The following TSG101 variants were observed in gnomAD, a reference collection of about 807,000 sequenced individuals.
The protein encoded by TSG101 is tumor susceptibility 101, also known as tumor susceptibility gene 101 protein.
In TSG101, 19 loss-of-function variants were observed where a neutral mutation model predicts 48.5. The ratio of observed to expected loss-of-function variants is 0.39; its 90% CI spans 0.27 to 0.58. The LOEUF (loss-of-function observed/expected upper bound fraction) is 0.58, where lower values mean the gene tolerates loss of function less well. Ranked by LOEUF, TSG101 falls within the 20% of genes least tolerant of loss-of-function variation. TSG101 has a pLI of 0.55. For synonymous variants in TSG101, 174 were observed against 169.4 expected, an observed-to-expected ratio of 1.03 and a Z score of -0.21; for missense variants, 365 against 484.4, an observed-to-expected ratio of 0.75 and a Z score of 2.31.
intron 2 of TSG101, among the ~76,000 whole-genome samples, chr11:18,518,534 C>T (rs1440248474): frequency 1.3e-5 from 2 of 152,158 alleles, no homozygotes; most frequent in Admixed American, 6.6e-5. Context: ...AAACTCCAAG[C>T]GTTGTCTTGC....
chr11:18,484,127 G>A (rs1420981789), intron 7 of TSG101, 55 bp from the exon 8 acceptor site: 2 of 1,584,682 alleles, frequency 1.3e-6, no homozygotes, highest in African/African-American at 2.7e-5. Flanking sequence ...CCTTCTATTT[G>A]TCTCACAGGA....
At chr11:18,506,804 GATCT>G in intron 6 of TSG101, 49 bp downstream of exon 6, 1 of 1,399,570 alleles carries the variant, frequency 7.1e-7, no homozygotes, top group South Asian at 1.6e-5. Context: ...TTTGATTCTA[GATCT>G]AATAGAAGAA....
rs2133898860 is a variant in TSG101 at position 18,480,519 on chromosome 11, C to T, written c.*27G>A. On this transcript the variant is annotated 3_prime_UTR_variant, in exon 10 of 10. Transcript: ENST00000251968. Reference sequence around the variant, plus strand: ...GAAGAGAAGAATACTTTAAGAAGAGCTCAACCTCCAGCTGGTATCAGAGAA... The same window carrying T: ...GAAGAGAAGAATACTTTAAGAAGAGTTCAACCTCCAGCTGGTATCAGAGAA... 1.3e-6 allele frequency: 2 copies of T among 1,592,864 alleles called. No homozygotes were observed. Among genetic ancestry groups the T allele is most frequent in the Admixed American group, 1.7e-5 (1 of 59,240 alleles).
intron 3 of TSG101, among the ~76,000 whole-genome samples, chr11:18,515,511 T>G (rs962668984): frequency 6.6e-6 from 1 of 152,196 alleles, no homozygotes; most frequent in Non-Finnish European, 1.5e-5. Flanking sequence ...CAGAGATCAA[T>G]TATCTATCAT....
chr11:18,521,726 G>T (rs1429286541), intron 1 of TSG101, among the ~76,000 whole-genome samples: 2 of 138,486 alleles, frequency 1.4e-5, no homozygotes, highest in African/African-American at 5.5e-5. Flanking sequence ...ACCCAGGCTG[G>T]AGTGCGGTGG....
intron 1 of TSG101, among the ~76,000 whole-genome samples, chr11:18,520,711 A>T (rs774889307): frequency 3.3e-5 from 5 of 152,186 alleles, no homozygotes; most frequent in Non-Finnish European, 7.4e-5. Flanking sequence ...TCTGTGAGTT[A>T]GTTGGATCTA....
intron 2 of TSG101, among the ~76,000 whole-genome samples, chr11:18,516,669 C>T (rs919510553): frequency 4.0e-5 from 6 of 151,682 alleles, no homozygotes; most frequent in Non-Finnish European, 8.8e-5. Flanking sequence ...CGGCCAGGCG[C>T]GGTGGTTCGC....
intron 8 of TSG101, among the ~76,000 whole-genome samples, chr11:18,482,488 A>G (rs1453542838): frequency 1.1e-4 from 16 of 152,190 alleles, no homozygotes; most frequent in Admixed American, 1.0e-3. Flanking sequence ...ATTCTTTACT[A>G]TTCCATCAAA....
intron 6 of TSG101, among the ~76,000 whole-genome samples, chr11:18,503,896 A>G (rs1418362508): frequency 6.6e-6 from 1 of 152,122 alleles, no homozygotes; most frequent in Non-Finnish European, 1.5e-5. Flanking sequence ...GCGCATTAAA[A>G]TTACTGATTA....
chr11:18,526,483 A>G (rs909657234), intron 1 of TSG101, among the ~76,000 whole-genome samples: 5 of 152,274 alleles, frequency 3.3e-5, no homozygotes, highest in Non-Finnish European at 7.3e-5. Context: ...TGCCCCACAG[A>G]CAGCTCCAAA....
At chr11:18,508,167 C>T (rs1269336686) in intron 5 of TSG101, among the ~76,000 whole-genome samples, 1 of 150,644 alleles carries the variant, frequency 6.6e-6, no homozygotes, top group Non-Finnish European at 1.5e-5. Flanking sequence ...CGGTCACTCG[C>T]TATATTATCT....
intron 7 of TSG101, among the ~76,000 whole-genome samples, chr11:18,492,726 G>A (rs1849716253): frequency 6.7e-6 from 1 of 149,954 alleles, no homozygotes; most frequent in African/African-American, 2.5e-5. Context: ...AGACTTCACT[G>A]TGAAGTATAT....
At chr11:18,490,879 G>A (rs1208959508) in intron 7 of TSG101, 3 of 515,502 alleles carry the variant, frequency 5.8e-6, no homozygotes, top group Admixed American at 2.1e-5. Flanking sequence ...GACTGCCTTC[G>A]TGACTACAGC....
At chr11:18,507,525 G>A (rs1311945310) in intron 5 of TSG101, 1 of 152,128 alleles carries the variant, frequency 6.6e-6, no homozygotes. Flanking sequence ...AACCCAGCAA[G>A]CTTAAAGAAT....
At position 18,497,532 on chromosome 11, in the gene TSG101, T is replaced by C. The variant is rs2643869; in HGVS notation, c.640+4954A>G. On this transcript the variant is annotated intron_variant, in intron 7 of 9. Transcript: ENST00000251968. ...CACACATTTCTATTCTTTGGATATA[T>C]GGAAATCATCTAAGCTATAAAAAAA... is the stretch of plus-strand genomic sequence containing the variant. Among the ~76,000 whole-genome samples the C allele has an allele frequency of 3.0e-3, 458 of 151,332 alleles. 3 individuals carry two copies. The highest frequency in any genetic ancestry group is 0.01 in the African/African-American group (423 of 41,526).
At chr11:18,502,891 G>A (rs1030795485) in intron 6 of TSG101, among the ~76,000 whole-genome samples, 3 of 152,166 alleles carry the variant, frequency 2.0e-5, no homozygotes, top group Admixed American at 6.5e-5. Context: ...AGTAATTTGT[G>A]AGAGAACTTT....
intron 7 of TSG101, among the ~76,000 whole-genome samples, chr11:18,493,501 A>G (rs1398466385): frequency 6.6e-6 from 1 of 152,210 alleles, no homozygotes; most frequent in African/African-American, 2.4e-5. Context: ...TAACTCAACG[A>G]TAATTTTTCT....
In TSG101 at chr11:18,514,680, G is replaced by A; in HGVS notation, c.355C>T (p.His119Tyr). The change falls in exon 4 of 10, where the codon CAC (histidine) becomes TAC (tyrosine). Residue 119 changes from histidine (H) to tyrosine (Y), a missense_variant and splice_region_variant. Transcript: ENST00000251968. ...CACAGAACACTATGAATACTTACGT[G>A]TTTCCATTCATGTAGATAAGGAAGA... is the stretch of plus-strand genomic sequence containing the variant. Reference protein sequence around the residue: ...IYLPYLHEWKHPQSDLLGLIQ... With the variant: ...IYLPYLHEWKYPQSDLLGLIQ... 1.3e-6 allele frequency: 2 copies of A among 1,566,292 alleles called. No individual in the cohort carries two copies. Among genetic ancestry groups the A allele is most frequent in the Non-Finnish European group, 1.7e-6 (2 of 1,164,726 alleles).
chr11:18,520,643 C>T (rs1161205676), intron 1 of TSG101, among the ~76,000 whole-genome samples: 1 of 152,220 alleles, frequency 6.6e-6, no homozygotes, highest in African/African-American at 2.4e-5. Context: ...TACAGAGGCT[C>T]TCACAGTTTG....
Sources: allele counts gnomAD v4.1 joint callset (sites outside exome capture counted in the v4.1 genomes callset), GRCh38; gene constraint gnomAD v4.1.1; transcripts MANE v1.5; gene names NCBI Gene and HGNC (gene_info 2026-07-23, HGNC 2026-07-21).